Variants in TRABD2B observed in about 807,000 individuals in gnomAD.
TRABD2B encodes TraB domain containing 2B, also known as metalloprotease TIKI2.
Under a neutral mutation model 40.1 loss-of-function variants are expected in TRABD2B, and 14 were observed. The observed-to-expected ratio is 0.35, with a 90% CI of 0.23 to 0.55. TRABD2B has a LOEUF of 0.55. TRABD2B is among the 20% of genes least tolerant of loss of function. The pLI is 0.90. For missense variants in TRABD2B, 541 were observed against 648.6 expected (o/e 0.83, Z 1.80); for synonymous variants, 263 against 277.0 (o/e 0.95, Z 0.50).
At chr1:47,974,656 C>G (rs1341812515) in intron 2 of TRABD2B, among the ~76,000 whole-genome samples, 1 of 152,304 alleles carries the variant, frequency 6.6e-6, no homozygotes, top group South Asian at 2.1e-4. Flanking sequence ...GCAGACTGAG[C>G]CTTCAAAACG....
chr1:47,977,467 C>T (rs1342540699), intron 2 of TRABD2B, among the ~76,000 whole-genome samples: 3 of 152,070 alleles, frequency 2.0e-5, no homozygotes, highest in African/African-American at 4.8e-5. Context: ...CCACTAGGCA[C>T]GCTGTTCATT....
At chr1:47,867,743 C>A (rs1214300844) in intron 2 of TRABD2B, among the ~76,000 whole-genome samples, 3 of 152,178 alleles carry the variant, frequency 2.0e-5, no homozygotes, top group Non-Finnish European at 2.9e-5. Flanking sequence ...CTAATCTCTT[C>A]ATTCACTGGA....
At chr1:47,903,042 C>T (rs1644623926) in intron 2 of TRABD2B, among the ~76,000 whole-genome samples, 2 of 152,140 alleles carry the variant, frequency 1.3e-5, no homozygotes, top group African/African-American at 4.8e-5. Flanking sequence ...CATGAAGCCA[C>T]TCAAGAGTCA....
chr1:47,984,955 T>G (rs939341471), intron 2 of TRABD2B, among the ~76,000 whole-genome samples: 1 of 152,254 alleles, frequency 6.6e-6, no homozygotes, highest in African/African-American at 2.4e-5. Context: ...CAGTAGGAAC[T>G]AACAAACATT....
chr1:47,833,501 G>T (rs1361123176), intron 2 of TRABD2B, among the ~76,000 whole-genome samples: 4 of 152,216 alleles, frequency 2.6e-5, no homozygotes, highest in African/African-American at 9.7e-5. Context: ...TGGCAGAAGA[G>T]GTTGTCAGGA....
At chr1:47,863,851 T>C (rs1171453623) in intron 2 of TRABD2B, among the ~76,000 whole-genome samples, 1 of 152,292 alleles carries the variant, frequency 6.6e-6, no homozygotes, top group East Asian at 1.9e-4. Flanking sequence ...AACCATGATG[T>C]CCGTCAGTAG....
intron 2 of TRABD2B, among the ~76,000 whole-genome samples, chr1:47,961,437 C>G (rs1022908239): frequency 5.3e-5 from 8 of 152,196 alleles, no homozygotes; most frequent in African/African-American, 1.9e-4. Context: ...CCTACAGAAT[C>G]GGAGAAAATT....
At chr1:47,988,745 G>C (rs1645957463) in intron 2 of TRABD2B, among the ~76,000 whole-genome samples, 2 of 152,198 alleles carry the variant, frequency 1.3e-5, no homozygotes, top group Admixed American at 1.3e-4. Flanking sequence ...TCAGACCTGG[G>C]CCAACACTGG....
chr1:47,861,294 G>C (rs369443121), intron 2 of TRABD2B, among the ~76,000 whole-genome samples: 181 of 152,152 alleles, frequency 1.2e-3, no homozygotes, highest in African/African-American at 3.5e-3. Context: ...GGGGGTGGCG[G>C]GGGTATGTTA....
At chr1:47,981,508 TG>T (rs1205177406) in intron 2 of TRABD2B, among the ~76,000 whole-genome samples, 2 of 152,082 alleles carry the variant, frequency 1.3e-5, no homozygotes, top group Non-Finnish European at 2.9e-5. Flanking sequence ...GAGGATTAAG[TG>T]GGGCAGTGCA....
chr1:47,876,715 C>T (rs568959119), intron 2 of TRABD2B, among the ~76,000 whole-genome samples: 8 of 152,306 alleles, frequency 5.3e-5, no homozygotes, highest in Non-Finnish European at 8.8e-5. Context: ...GGAGGGGTTC[C>T]GGGAGGGAGT....
At chr1:47,943,487 G>A (rs897506181) in intron 2 of TRABD2B, among the ~76,000 whole-genome samples, 2 of 152,084 alleles carry the variant, frequency 1.3e-5, no homozygotes, top group African/African-American at 4.8e-5. Flanking sequence ...CAAGACCTTA[G>A]TTCCACAAAG....
chr1:47,928,440 A>G (rs1644997705), intron 2 of TRABD2B, among the ~76,000 whole-genome samples: 1 of 152,220 alleles, frequency 6.6e-6, no homozygotes, highest in Admixed American at 6.5e-5. Flanking sequence ...CATGCATTTC[A>G]TGTTTGATGT....
intron 2 of TRABD2B, among the ~76,000 whole-genome samples, chr1:47,955,433 T>G (rs1470581833): frequency 2.0e-5 from 3 of 152,182 alleles, no homozygotes; most frequent in Admixed American, 6.5e-5. Context: ...TATAACTGTC[T>G]GCTCAAAGAA....
chr1:47,875,650 G>A lies in TRABD2B; in HGVS notation c.667-74031C>T, dbSNP rs140597817. Among the ~76,000 whole-genome samples the A allele has an allele frequency of 1.0e-3, 123 of 118,376 alleles. 1 individual carries two copies. Among genetic ancestry groups the A allele is most frequent in the African/African-American group, 3.7e-3 (112 of 30,434 alleles). The allele number at this position is 118,376 out of a possible 152,430, so 77.7% of individuals were successfully genotyped here. On this transcript the variant is annotated intron_variant, in intron 2 of 6. Transcript: ENST00000606738. Reference sequence around the variant, plus strand: ...TGCAGTGAACCATGATCGTGCTACTGCACAACAGAGTGAAACCCTGTCTCA... The same window carrying A: ...TGCAGTGAACCATGATCGTGCTACTACACAACAGAGTGAAACCCTGTCTCA...
At chr1:47,921,690 A>G (rs1001385175) in intron 2 of TRABD2B, among the ~76,000 whole-genome samples, 3 of 152,176 alleles carry the variant, frequency 2.0e-5, no homozygotes, top group Non-Finnish European at 4.4e-5. Context: ...ACGAACTTTT[A>G]TTTACAAAGC....
At chr1:47,935,956 C>G (rs1645101203) in intron 2 of TRABD2B, among the ~76,000 whole-genome samples, 1 of 152,228 alleles carries the variant, frequency 6.6e-6, no homozygotes, top group Non-Finnish European at 1.5e-5. Flanking sequence ...CCTGGACAAA[C>G]TGTTTCCCTT....
chr1:47,919,066 C>T (rs1644866778), intron 2 of TRABD2B, among the ~76,000 whole-genome samples: 1 of 152,216 alleles, frequency 6.6e-6, no homozygotes, highest in Non-Finnish European at 1.5e-5. Flanking sequence ...GCCAAGCTGC[C>T]TACTGTACAA....
chr1:47,810,839 G>A (rs1239199634), intron 2 of TRABD2B, among the ~76,000 whole-genome samples: 1 of 152,196 alleles, frequency 6.6e-6, no homozygotes, highest in African/African-American at 2.4e-5. Flanking sequence ...GGCTGAGCAT[G>A]GCCTGGACCA....
Sources: allele counts gnomAD v4.1 joint callset (sites outside exome capture counted in the v4.1 genomes callset), GRCh38; gene constraint gnomAD v4.1.1; transcripts MANE v1.5; gene names NCBI Gene and HGNC (gene_info 2026-07-23, HGNC 2026-07-21).